The following SART3 variants were observed in gnomAD, a reference collection of about 807,000 sequenced individuals.
SART3 encodes the protein spliceosome associated factor 3, U4/U6 recycling protein, also known as HIV-1 Tat-interacting protein of 110kDa.
In SART3, 44 loss-of-function variants were observed where a neutral mutation model predicts 122.3. That is an observed-to-expected ratio of 0.36 (90% CI 0.28 to 0.46). The LOEUF (loss-of-function observed/expected upper bound fraction) is 0.46. Ranked by LOEUF, SART3 falls within the 20% of genes least tolerant of loss-of-function variation. SART3 has a pLI of 1.00. For missense variants in SART3, 1,101 were observed against 1,229.0 expected (o/e 0.90, Z 1.56); for synonymous variants, 442 against 454.0 (o/e 0.97, Z 0.34).
chr12:108,549,063 A>T, intron 2 of SART3, 25 bp downstream of exon 2: 1 of 1,613,938 alleles, frequency 6.2e-7, no homozygotes, highest in Non-Finnish European at 8.5e-7. Flanking sequence ...CTGTTTCTAA[A>T]AGCAGCCTGA....
chr12:108,560,491 G>A (rs983218785), intron 1 of SART3: 6 of 390,206 alleles, frequency 1.5e-5, no homozygotes, highest in Non-Finnish European at 2.7e-5. Context: ...ACTGTTGGAC[G>A]TGTGGTTAAG....
At position 108,526,409 on chromosome 12, in the gene SART3, G is replaced by A. The variant is rs769420617; in HGVS notation, c.2060C>T (p.Ser687Phe). ...PPSKQKEKAA[S>F]LKRDMPKVLH... ...CACCTTGGGCATGTCCCTCTTCAGGGAGGCTGCCTTCTCCTTCTGCTTCGA... is the reference window on the plus strand; with the variant it reads ...CACCTTGGGCATGTCCCTCTTCAGGAAGGCTGCCTTCTCCTTCTGCTTCGA... The change falls in exon 16 of 19, where the codon TCC becomes TTC. Residue 687 changes from serine to phenylalanine, a missense_variant. This residue lies in a region of SART3 where 885 missense variants were observed against 1,080.1 expected (regional missense o/e 0.82). Transcript: ENST00000546815. 2 of 1,614,148 alleles carry A rather than the reference G, an allele frequency of 1.2e-6. No homozygotes were observed. Among genetic ancestry groups the A allele is most frequent in the Admixed American group, 3.3e-5 (2 of 60,024 alleles).
At position 108,538,862 on chromosome 12, in the gene SART3, C is replaced by T. The variant is rs1873028226; in HGVS notation, c.1062+72G>A. On this transcript the variant is annotated intron_variant, in intron 7 of 18. Coordinates refer to ENST00000546815, the MANE Select transcript of SART3 (RefSeq NM_014706.4). Reference sequence around the variant, plus strand: ...GAGTAGGGCCGTATGCAACAAACTCCTGGCACTCTTACTGATTTTAAGTAG... The same window carrying T: ...GAGTAGGGCCGTATGCAACAAACTCTTGGCACTCTTACTGATTTTAAGTAG... 99 of 1,588,150 alleles carry T rather than the reference C, an allele frequency of 6.2e-5. 1 individual carries two copies. In the South Asian group the frequency reaches 1.0e-3, roughly 16 times the overall value.
chr12:108,540,608 A>T (rs1198670394), intron 6 of SART3, among the ~76,000 whole-genome samples: 1 of 150,854 alleles, frequency 6.6e-6, no homozygotes, highest in Non-Finnish European at 1.5e-5. Context: ...TAACTAGAAA[A>T]GCTGATTCTA....
chr12:108,531,635 T>C (rs906429319), intron 13 of SART3: 1 of 295,552 alleles, frequency 3.4e-6, no homozygotes, highest in African/African-American at 2.2e-5. Flanking sequence ...TTGGTGGTCT[T>C]TGCAAGCCAG....
At chr12:108,527,933 T>C (rs1423276045) in intron 15 of SART3, among the ~76,000 whole-genome samples, 2 of 152,008 alleles carry the variant, frequency 1.3e-5, no homozygotes, top group Non-Finnish European at 2.9e-5. Context: ...AGCCAACTAA[T>C]TTTTGTATTT....
chr12:108,530,176 C>T lies in SART3; in HGVS notation c.1881G>A (p.Glu627=). The T allele has an allele frequency of 6.2e-7, 1 of 1,614,202 alleles. No homozygotes were observed. The highest frequency in any genetic ancestry group is 8.5e-7 in the Non-Finnish European group (1 of 1,180,036). Residue 627 remains glutamate, a synonymous_variant, in exon 15 of 19, where the codon GAG becomes GAA. Coordinates refer to ENST00000546815, the MANE Select transcript of SART3 (RefSeq NM_014706.4). ...IRGPEKRGAD[E]DDEKEWGDDE... Reference sequence around the variant, plus strand: ...CATCGCCCCACTCTTTCTCATCATCCTCATCTGCTCCGCGCTTCTCTGGGC... The same window carrying T: ...CATCGCCCCACTCTTTCTCATCATCTTCATCTGCTCCGCGCTTCTCTGGGC...
At chr12:108,553,007 T>C (rs554373621) in intron 1 of SART3, among the ~76,000 whole-genome samples, 22 of 152,030 alleles carry the variant, frequency 1.4e-4, no homozygotes, top group South Asian at 8.3e-4. Context: ...ATGAAGAGAA[T>C]AGAACCCAGT....
intron 1 of SART3, among the ~76,000 whole-genome samples, chr12:108,557,622 ACAAC>A (rs1175202103): frequency 1.3e-5 from 2 of 152,180 alleles, no homozygotes; most frequent in African/African-American, 2.4e-5. Context: ...AAGCACTATT[ACAAC>A]CTTCATTTTA....
chr12:108,524,773 G>C (rs940494129), intron 17 of SART3: 2 of 539,386 alleles, frequency 3.7e-6, no homozygotes, highest in East Asian at 3.3e-5. Flanking sequence ...TGCAGAAGTA[G>C]AAAGAAAGAA....
chr12:108,557,205 A>AGTT (rs1447207516), intron 1 of SART3, among the ~76,000 whole-genome samples: 6 of 120,946 alleles, frequency 5.0e-5, no homozygotes, highest in African/African-American at 2.2e-4. Context: ...TTAATGACAT[A>AGTT]GTTTTTTTTT....
chr12:108,555,545 G>T (rs2030184501), intron 1 of SART3, among the ~76,000 whole-genome samples: 1 of 152,108 alleles, frequency 6.6e-6, no homozygotes. Context: ...CATGCCTGTG[G>T]TCCCAGCTAC....
At chr12:108,529,761 C>T (rs1393861971) in intron 15 of SART3, among the ~76,000 whole-genome samples, 1 of 151,850 alleles carries the variant, frequency 6.6e-6, no homozygotes, top group Admixed American at 6.6e-5. Flanking sequence ...AGGGGCACAA[C>T]ACAGCAACTG....
chr12:108,560,439 T>C, intron 1 of SART3: 1 of 320,840 alleles, frequency 3.1e-6, no homozygotes, highest in Admixed American at 4.9e-5. Flanking sequence ...CCGTCATTCC[T>C]ACATAACAAA....
chr12:108,536,153 A>T (rs1872893640), intron 11 of SART3, among the ~76,000 whole-genome samples: 1 of 152,218 alleles, frequency 6.6e-6, no homozygotes, highest in Non-Finnish European at 1.5e-5. Context: ...AAGGAATTTT[A>T]TCTGTCTTAT....
At chr12:108,526,733 G>A (rs752746005) in intron 15 of SART3, among the ~76,000 whole-genome samples, 180 bp from the exon 16 acceptor site, 1 of 151,158 alleles carries the variant, frequency 6.6e-6, no homozygotes, top group Non-Finnish European at 1.5e-5. Flanking sequence ...CCTGTCCCAC[G>A]ACTTTCTGTG....
At chr12:108,542,659 T>C (rs2136681398) in intron 6 of SART3, 1 of 348,670 alleles carries the variant, frequency 2.9e-6, no homozygotes, top group African/African-American at 2.1e-5. Context: ...ATATAAAAGT[T>C]CAAAAGCAAG....
At chr12:108,537,213 G>GT (rs1872949587) in intron 9 of SART3, 1 of 454,668 alleles carries the variant, frequency 2.2e-6, no homozygotes. Context: ...ATTTCAAGAA[G>GT]TATTTAGGAT....
intron 1 of SART3, among the ~76,000 whole-genome samples, chr12:108,550,632 G>C (rs1447205700): frequency 2.6e-5 from 4 of 152,184 alleles, no homozygotes; most frequent in Non-Finnish European, 5.9e-5. Flanking sequence ...GGAGGCCAAA[G>C]CGGGCAGATC....
Sources: allele counts gnomAD v4.1 joint callset (sites outside exome capture counted in the v4.1 genomes callset), GRCh38; gene constraint gnomAD v4.1.1; regional missense constraint gnomAD v4.1.1; transcripts MANE v1.5; gene names NCBI Gene and HGNC (gene_info 2026-07-23, HGNC 2026-07-21).